Variants in NBEA observed in about 807,000 individuals in gnomAD.
NBEA encodes the protein neurobeachin.
Under a neutral mutation model 343.4 loss-of-function variants are expected in NBEA, and 44 were observed. The observed-to-expected ratio is 0.13, with a 90% CI of 0.10 to 0.16. NBEA has a LOEUF of 0.16. Ranked by LOEUF, NBEA falls within the 10% of genes least tolerant of loss-of-function variation. The pLI is 1.00. For missense variants in NBEA, 2,555 were observed against 3,631.3 expected (o/e 0.70, Z 7.62); for synonymous variants, 1,175 against 1,238.7 (o/e 0.95, Z 1.08).
intron 13 of NBEA, among the ~76,000 whole-genome samples, chr13:35,112,909 T>G (rs2066290134): frequency 6.6e-6 from 1 of 152,124 alleles, no homozygotes; most frequent in African/African-American, 2.4e-5. Flanking sequence ...AGGACACCCA[T>G]TAATATCAGG....
intron 38 of NBEA, among the ~76,000 whole-genome samples, chr13:35,414,224 C>T (rs1192676904): frequency 7.3e-6 from 1 of 136,572 alleles, no homozygotes; most frequent in Non-Finnish European, 1.6e-5. Context: ...ATAGTCACAT[C>T]TACAGTTACT....
intron 18 of NBEA, among the ~76,000 whole-genome samples, chr13:35,150,823 G>GTAGAGTAGAA: frequency 6.6e-6 from 1 of 150,726 alleles, no homozygotes; most frequent in Non-Finnish European, 1.5e-5. Flanking sequence ...GTAGAGTAGA[G>GTAGAGTAGAA]TAGAGTAGGA....
At chr13:35,045,244 G>A in intron 3 of NBEA, 62 bp from the exon 4 acceptor site, 1 of 1,357,208 alleles carries the variant, frequency 7.4e-7, no homozygotes, top group Non-Finnish European at 1.0e-6. Context: ...GGGTAACATG[G>A]TATATTAAGT....
intron 17 of NBEA, among the ~76,000 whole-genome samples, chr13:35,129,309 C>A (rs1368624870): frequency 6.6e-6 from 1 of 151,868 alleles, no homozygotes; most frequent in Non-Finnish European, 1.5e-5. Context: ...AAAAATATGT[C>A]AAAAATCCTA....
chr13:35,379,854 A>G (rs1310876487), intron 38 of NBEA, among the ~76,000 whole-genome samples: 1 of 152,152 alleles, frequency 6.6e-6, no homozygotes, highest in Admixed American at 6.5e-5. Flanking sequence ...CCAATCTCAC[A>G]CTGTCTTAAT....
intron 33 of NBEA, among the ~76,000 whole-genome samples, chr13:35,227,856 T>C (rs1484263071): frequency 6.6e-6 from 1 of 152,002 alleles, no homozygotes; most frequent in Non-Finnish European, 1.5e-5. Context: ...AATAGAATTA[T>C]TATATTTTTC....
At chr13:35,388,190 A>G (rs918509777) in intron 38 of NBEA, among the ~76,000 whole-genome samples, 2 of 152,184 alleles carry the variant, frequency 1.3e-5, no homozygotes, top group African/African-American at 4.8e-5. Flanking sequence ...GAAAAGAGAG[A>G]TGGCCAAATC....
chr13:35,526,869 A>G (rs901084402), intron 41 of NBEA, among the ~76,000 whole-genome samples: 14 of 152,180 alleles, frequency 9.2e-5, no homozygotes, highest in African/African-American at 3.4e-4. Flanking sequence ...TGGAACAGGC[A>G]TACTGCAAGT....
rs1037210666 is a variant in NBEA, at chr13:35,584,110, C to A, written c.7176+72C>A. The A allele has an allele frequency of 3.5e-5, 47 of 1,353,026 alleles. No homozygotes were observed. In the Middle Eastern group the frequency reaches 1.1e-3, roughly 31 times the overall value. The allele number at this position is 1,353,026 out of a possible 1,614,324, so 83.8% of individuals were successfully genotyped here. ...TAACATAAGTAAATTAAATAAAAAT[C>A]AAATCAGTTGTAATTTGATTAACAA... On this transcript the variant is annotated intron_variant, in intron 46 of 58. Transcript: ENST00000379939.
chr13:35,196,568 G>C (rs1343652944), intron 31 of NBEA, among the ~76,000 whole-genome samples: 1 of 152,004 alleles, frequency 6.6e-6, no homozygotes, highest in Non-Finnish European at 1.5e-5. Context: ...ATTATCAAAG[G>C]ACTACAGTAC....
rs547182744 is a variant in NBEA at position 34,959,995 on chromosome 13, TA to T, written c.294+16890del. Among the ~76,000 whole-genome samples the T allele has an allele frequency of 6.4e-3, 968 of 151,562 alleles. 11 individuals are homozygous for T. Among genetic ancestry groups the T allele is most frequent in the African/African-American group, 0.022 (925 of 41,362 alleles). On this transcript the variant is annotated intron_variant, in intron 1 of 58. Transcript: ENST00000379939. ...CATTATTTTAGCAAGAACTCAAGCT[TA>T]AAAAAAAAGTTAACTGTAAAACAGC... is the stretch of plus-strand genomic sequence containing the variant.
intron 35 of NBEA, among the ~76,000 whole-genome samples, chr13:35,305,740 C>T (rs2036849146): frequency 6.6e-6 from 1 of 152,116 alleles, no homozygotes; most frequent in Admixed American, 6.6e-5. Context: ...TGTTTTAAGC[C>T]CCTGAGATTC....
chr13:35,475,296 C>T (rs755507299), intron 41 of NBEA: 2 of 1,613,950 alleles, frequency 1.2e-6, no homozygotes, highest in Admixed American at 3.3e-5. Context: ...GCTTTTCACA[C>T]TCGTAGGAAA....
At chr13:35,100,897 A>C (rs144419400) in intron 11 of NBEA, among the ~76,000 whole-genome samples, 19 of 151,790 alleles carry the variant, frequency 1.3e-4, no homozygotes, top group African/African-American at 4.3e-4. Context: ...CCCATAATTC[A>C]CTTTTTGGCT....
intron 33 of NBEA, among the ~76,000 whole-genome samples, chr13:35,230,338 A>T (rs985749508): frequency 1.3e-5 from 2 of 152,120 alleles, no homozygotes; most frequent in African/African-American, 4.8e-5. Flanking sequence ...TCTGTAAAAT[A>T]GGGGAGAAAG....
intron 34 of NBEA, among the ~76,000 whole-genome samples, chr13:35,235,635 A>G (rs1478479877): frequency 6.6e-6 from 1 of 152,190 alleles, no homozygotes; most frequent in African/African-American, 2.4e-5. Flanking sequence ...TGGCAATTTT[A>G]TGTTAACTGC....
At chr13:35,140,903 G>T (rs2152694321) in intron 17 of NBEA, among the ~76,000 whole-genome samples, 1 of 152,254 alleles carries the variant, frequency 6.6e-6, no homozygotes, top group South Asian at 2.1e-4. Context: ...GTGATTTAGA[G>T]ACCCAGGCAG....
chr13:34,944,695 T>A (rs1355296501), intron 1 of NBEA, among the ~76,000 whole-genome samples: 1 of 152,102 alleles, frequency 6.6e-6, no homozygotes, highest in East Asian at 1.9e-4. Flanking sequence ...AATCTCAAAC[T>A]GTTAGTATGT....
intron 36 of NBEA, among the ~76,000 whole-genome samples, chr13:35,335,506 T>C (rs1230365514): frequency 6.8e-6 from 1 of 146,460 alleles, no homozygotes. Context: ...TTTGATGTTC[T>C]CTTTGATTTG....
Sources: allele counts gnomAD v4.1 joint callset (sites outside exome capture counted in the v4.1 genomes callset), GRCh38; gene constraint gnomAD v4.1.1; transcripts MANE v1.5; gene names NCBI Gene and HGNC (gene_info 2026-07-23, HGNC 2026-07-21).